The following CLOCK variants were observed in gnomAD, a reference collection of about 807,000 sequenced individuals.
CLOCK encodes circadian locomoter output cycles protein kaput.
In CLOCK, 43 loss-of-function variants were observed where a neutral mutation model predicts 118.4. The observed-to-expected ratio is 0.36, with a 90% confidence interval of 0.28 to 0.47. The LOEUF (loss-of-function observed/expected upper bound fraction) is 0.47. Among genes scored for constraint, CLOCK ranks in the 20% least tolerant of loss-of-function variants. CLOCK has a pLI of 1.00. For synonymous variants in CLOCK, 326 were observed against 339.2 expected, an observed-to-expected ratio of 0.96 and a Z score of 0.43; for missense variants, 846 against 999.9, an observed-to-expected ratio of 0.85 and a Z score of 2.08.
At chr4:55,531,575 T>C (rs1395752912) in intron 1 of CLOCK, among the ~76,000 whole-genome samples, 2 of 151,598 alleles carry the variant, frequency 1.3e-5, no homozygotes, top group Non-Finnish European at 2.9e-5. Flanking sequence ...CGTGGTGGTA[T>C]GCGCCTATAG....
chr4:55,453,101 G>C lies in CLOCK; in HGVS notation c.1159C>G (p.Arg387Gly), dbSNP rs1295947655. The stretch of plus-strand genomic sequence containing the variant: ...AGAGACTCTTCAATGCCAAGTTCTC[G>C]TCGTCTTTCAGCCCTAACTTCTGCA... ...SYAEVRAERR[R>G]ELGIEESLPE... Residue 387 changes from arginine to glycine, a missense_variant, in exon 15 of 23, where the codon CGA becomes GGA. By Grantham distance (125) the Arg-to-Gly change is moderately radical (BLOSUM62 -2). Around this residue, in one of 4 missense-constraint regions of CLOCK, gnomAD observed 520 missense variants for 558.0 expected, o/e 0.93. Coordinates refer to ENST00000513440, the MANE Select transcript of CLOCK (RefSeq NM_004898.4). The C allele has an allele frequency of 1.2e-6, 2 of 1,612,616 alleles. No homozygotes were observed. The highest frequency in any genetic ancestry group is 8.5e-7 in the Non-Finnish European group (1 of 1,179,074).
At chr4:55,461,482 G>A (rs767961163) in intron 9 of CLOCK, among the ~76,000 whole-genome samples, 9 of 152,180 alleles carry the variant, frequency 5.9e-5, no homozygotes, top group Non-Finnish European at 7.3e-5. Context: ...CATAGCTACT[G>A]TACCAGGCAG....
chr4:55,428,416 G>C lies in CLOCK; in HGVS notation c.*6999C>G, dbSNP rs1201056299. 1 of 152,174 alleles carries C rather than the reference G, an allele frequency of 6.6e-6. No individual in the cohort carries two copies. Among genetic ancestry groups the C allele is most frequent in the Non-Finnish European group, 1.5e-5 (1 of 68,030 alleles). The allele number at this position is 152,174 out of a possible 1,614,324, so 9.4% of individuals were successfully genotyped here. On this transcript the variant is annotated 3_prime_UTR_variant, in exon 23 of 23. Coordinates refer to ENST00000513440, the MANE Select transcript of CLOCK (RefSeq NM_004898.4). ...AAACATACATAGGTCATGAAAATCA[G>C]AGAACCTAATATAGCACCGTTGAAA...
intron 2 of CLOCK, among the ~76,000 whole-genome samples, chr4:55,498,851 T>C (rs989786848): frequency 6.6e-6 from 1 of 152,108 alleles, no homozygotes; most frequent in Non-Finnish European, 1.5e-5. Context: ...GAATCCAACA[T>C]GGACATAACA....
intron 1 of CLOCK, among the ~76,000 whole-genome samples, chr4:55,523,298 AAAAC>A (rs952690763): frequency 9.3e-4 from 141 of 152,198 alleles, no homozygotes; most frequent in African/African-American, 3.0e-3. Context: ...GACTCTGTCA[AAAAC>A]AAACAAACAA....
At chr4:55,537,766 G>A (rs1221556223) in intron 1 of CLOCK, among the ~76,000 whole-genome samples, 1 of 152,134 alleles carries the variant, frequency 6.6e-6, no homozygotes, top group Non-Finnish European at 1.5e-5. Context: ...TGTACTGCCT[G>A]AGCAGTAGTG....
At chr4:55,460,716 C>T (rs1725270108) in intron 9 of CLOCK, among the ~76,000 whole-genome samples, 1 of 152,176 alleles carries the variant, frequency 6.6e-6, no homozygotes, top group Non-Finnish European at 1.5e-5. Context: ...TTTCCGCACT[C>T]AAGGACTAGT....
chr4:55,465,400 T>C (rs1197802649), intron 8 of CLOCK, among the ~76,000 whole-genome samples: 2 of 152,192 alleles, frequency 1.3e-5, no homozygotes, highest in African/African-American at 2.4e-5. Flanking sequence ...AGGATGACTA[T>C]ATTTTAATGT....
At chr4:55,506,272 T>C (rs1327858072) in intron 2 of CLOCK, among the ~76,000 whole-genome samples, 1 of 152,176 alleles carries the variant, frequency 6.6e-6, no homozygotes, top group Non-Finnish European at 1.5e-5. Context: ...GGTCTTGAAC[T>C]CCTAGGTTCA....
chr4:55,464,893 T>C (rs1375321818), intron 8 of CLOCK, among the ~76,000 whole-genome samples: 1 of 152,152 alleles, frequency 6.6e-6, no homozygotes, highest in African/African-American at 2.4e-5. Context: ...TCCCATCATT[T>C]CTTCTGTCTT....
intron 15 of CLOCK, among the ~76,000 whole-genome samples, chr4:55,451,380 C>CT (rs1326522487): frequency 2.0e-5 from 3 of 152,198 alleles, no homozygotes; most frequent in Admixed American, 6.5e-5. Flanking sequence ...TTATTCCTAA[C>CT]TTACTAGCTA....
At chr4:55,447,228 G>A (rs539616643) in intron 18 of CLOCK, among the ~76,000 whole-genome samples, 1 of 152,166 alleles carries the variant, frequency 6.6e-6, no homozygotes, top group South Asian at 2.1e-4. Flanking sequence ...CTAGCCGGGT[G>A]TGGTGGCATG....
At chr4:55,439,181 T>C (rs1009315898) in intron 21 of CLOCK, among the ~76,000 whole-genome samples, 2 of 151,756 alleles carry the variant, frequency 1.3e-5, no homozygotes, top group African/African-American at 4.8e-5. Flanking sequence ...TCAACCCAAT[T>C]AAAAAAATGG....
chr4:55,460,773 T>C (rs1168668154), intron 9 of CLOCK, among the ~76,000 whole-genome samples: 13 of 152,226 alleles, frequency 8.5e-5, no homozygotes, highest in African/African-American at 2.9e-4. Flanking sequence ...CTTCGGTTAT[T>C]ATCATCATAG....
intron 7 of CLOCK, among the ~76,000 whole-genome samples, chr4:55,473,759 C>A (rs1726302932): frequency 6.6e-6 from 1 of 152,034 alleles, no homozygotes; most frequent in Non-Finnish European, 1.5e-5. Flanking sequence ...CTTTGTGTCT[C>A]TTGTGTCACA....
At chr4:55,523,102 T>C in intron 1 of CLOCK, among the ~76,000 whole-genome samples, 1 of 151,674 alleles carries the variant, frequency 6.6e-6, no homozygotes, top group East Asian at 1.9e-4. Context: ...GAGACCATCC[T>C]GGCTAACACG....
rs1299885552 is a variant in CLOCK at position 55,432,930 on chromosome 4, G to A, written c.*2485C>T. 6.6e-6 allele frequency: 1 copy of A among 152,622 alleles called. No homozygotes were observed. Among genetic ancestry groups the A allele is most frequent in the African/African-American group, 2.4e-5 (1 of 41,440 alleles). 9.5% of individuals were successfully genotyped at this position (152,622 alleles called of 1,614,324 possible). The stretch of plus-strand genomic sequence containing the variant: ...TAAACAGTTTAGACGTTTACCTGGG[G>A]CTTGTCTTATGCTTTGTTGCTGTCA... On this transcript the variant is annotated 3_prime_UTR_variant, in exon 23 of 23. Coordinates refer to ENST00000513440, the MANE Select transcript of CLOCK (RefSeq NM_004898.4).
At chr4:55,483,849 T>A (rs1175100197) in intron 3 of CLOCK, among the ~76,000 whole-genome samples, 1 of 152,170 alleles carries the variant, frequency 6.6e-6, no homozygotes, top group Non-Finnish European at 1.5e-5. Context: ...TTGAAGGAAG[T>A]AAAACTTACT....
Position 55,438,855 on chromosome 4 carries a change from A to G in CLOCK, c.2106-318T>C, listed in dbSNP as rs1246009787. On this transcript the variant is annotated intron_variant, in intron 21 of 22. Coordinates refer to ENST00000513440, the MANE Select transcript of CLOCK (RefSeq NM_004898.4). ...CTTGAAATGGACCAAAGACCAAAAC[A>G]TAAGAGCTAATGCTATAAAACTCTT... Among the ~76,000 whole-genome samples the G allele has an allele frequency of 7.2e-5, 11 of 152,348 alleles. No homozygotes were observed. In the East Asian group the frequency reaches 1.5e-3, roughly 21 times the overall value.
Sources: gnomAD v4.1 joint callset for allele counts (sites outside exome capture counted in the v4.1 genomes callset) on GRCh38, gnomAD v4.1.1 for gene constraint, gnomAD v4.1.1 regional missense constraint, MANE v1.5 for transcripts, NCBI Gene and HGNC (gene_info 2026-07-23, HGNC 2026-07-21) for gene names.